PIWIL3: variants seen among roughly 807,000 people sequenced by gnomAD.
PIWIL3 encodes the protein piwi-like protein 3.
Under a neutral mutation model 109.7 loss-of-function variants are expected in PIWIL3, and 101 were observed. The ratio of observed to expected loss-of-function variants is 0.92; its 90% CI spans 0.78 to 1.09. The LOEUF (loss-of-function observed/expected upper bound fraction) is 1.09, where lower values mean the gene tolerates loss of function less well. Among genes scored for constraint, PIWIL3 ranks in the 50% least tolerant of loss-of-function variants. The probability of loss-of-function intolerance (pLI) is 0.00; values close to 1 mark genes in which losing one functional copy is unlikely to be tolerated. For synonymous variants in PIWIL3, 373 were observed against 376.4 expected (o/e 0.99, Z 0.10); for missense variants, 1,031 against 1,072.6 (o/e 0.96, Z 0.54).
intron 19 of PIWIL3, among the ~76,000 whole-genome samples, chr22:24,720,659 CTTTATG>C (rs1003208683): frequency 7.9e-5 from 12 of 152,148 alleles, no homozygotes; most frequent in Admixed American, 1.3e-4. Flanking sequence ...TTATGTTGTA[CTTTATG>C]TTTATGATAC....
At chr22:24,759,593 C>T (rs892780605) in intron 3 of PIWIL3, among the ~76,000 whole-genome samples, 10 of 152,206 alleles carry the variant, frequency 6.6e-5, no homozygotes, top group Non-Finnish European at 1.3e-4. Context: ...TTAGAGTTAT[C>T]ATCTGCAGAT....
chr22:24,737,543 T>A (rs1331478911), intron 12 of PIWIL3, among the ~76,000 whole-genome samples: 2 of 152,096 alleles, frequency 1.3e-5, no homozygotes, highest in African/African-American at 4.8e-5. Context: ...AGACTCCTGC[T>A]TGAGAAAAGT....
intron 8 of PIWIL3, among the ~76,000 whole-genome samples, chr22:24,753,649 A>G (rs568925782): frequency 6.6e-6 from 1 of 152,310 alleles, no homozygotes; most frequent in South Asian, 2.1e-4. Context: ...TCTGCTGTAG[A>G]AAGATTTTAA....
chr22:24,756,844 C>G (rs2147708158), intron 4 of PIWIL3, 139 bp from the exon 5 acceptor site: 1 of 704,336 alleles, frequency 1.4e-6, no homozygotes, highest in South Asian at 2.0e-5. Flanking sequence ...CTCTGGGAGG[C>G]CAAGGCGGGT....
intron 12 of PIWIL3, among the ~76,000 whole-genome samples, chr22:24,743,551 A>T (rs902012480): frequency 1.3e-5 from 2 of 152,236 alleles, no homozygotes; most frequent in African/African-American, 4.8e-5. Flanking sequence ...CCATTATTCT[A>T]AATGAAGTAA....
chr22:24,738,366 C>T (rs1024087255), intron 12 of PIWIL3, among the ~76,000 whole-genome samples: 1 of 152,232 alleles, frequency 6.6e-6, no homozygotes, highest in Non-Finnish European at 1.5e-5. Context: ...GGCTGCTTTA[C>T]CACTTGATTG....
chr22:24,738,212 G>C (rs1469893802), intron 12 of PIWIL3, among the ~76,000 whole-genome samples: 1 of 152,134 alleles, frequency 6.6e-6, no homozygotes, highest in Non-Finnish European at 1.5e-5. Flanking sequence ...CATGTGATTT[G>C]AGTGCCAGCT....
intron 7 of PIWIL3, among the ~76,000 whole-genome samples, chr22:24,754,437 T>C (rs965776695): frequency 1.2e-4 from 18 of 152,220 alleles, no homozygotes; most frequent in African/African-American, 4.8e-5. Flanking sequence ...TCCATATTTA[T>C]CTGTAACATA....
chr22:24,734,049 C>G (rs762341655), intron 14 of PIWIL3, 35 bp downstream of exon 14: 1 of 1,576,370 alleles, frequency 6.3e-7, no homozygotes. Flanking sequence ...GGAACAATAA[C>G]TAAAAGATTG....
At chr22:24,764,625 C>CGTGTGCGTGTGTGTGTGT (rs1925675114) in intron 1 of PIWIL3, among the ~76,000 whole-genome samples, 2 of 134,622 alleles carry the variant, frequency 1.5e-5, no homozygotes, top group Non-Finnish European at 3.1e-5. Context: ...TTGACCTTGC[C>CGTGTGCGTGTGTGTGTGT]GTGTGTGTGT....
At chr22:24,770,860 A>G (rs143610390) in intron 1 of PIWIL3, among the ~76,000 whole-genome samples, 1 of 151,600 alleles carries the variant, frequency 6.6e-6, no homozygotes, top group African/African-American at 2.4e-5. Context: ...ATAAATAAAT[A>G]AAAAGAAAGA....
intron 14 of PIWIL3, among the ~76,000 whole-genome samples, chr22:24,729,199 AAGC>A (rs1481503925): frequency 2.0e-5 from 3 of 152,074 alleles, no homozygotes; most frequent in Non-Finnish European, 4.4e-5. Context: ...TTTCTTAGAA[AAGC>A]TTTTGTGTTT....
In PIWIL3 at chr22:24,754,817, G is replaced by A. The variant is rs1205611789; in HGVS notation, c.740C>T (p.Thr247Ile). The A allele has an allele frequency of 1.2e-6, 2 of 1,612,238 alleles. No individual in the cohort carries two copies. Among genetic ancestry groups the A allele is most frequent in the African/African-American group, 1.3e-5 (1 of 74,804 alleles). Residue 247 changes from threonine (T) to isoleucine (I), a missense_variant, in exon 7 of 21, where the codon ACC becomes ATC. By Grantham distance (89) the Thr-to-Ile change is moderately conservative. Transcript: ENST00000616349. ...DFEQVGRNYY[T>I]KKKAIQLYRH... Reference sequence around the variant, plus strand: ...GTATAACTGAATGGCCTTCTTTTTGGTATAATAGTTGCGACCAACTTGTTC... The same window carrying A: ...GTATAACTGAATGGCCTTCTTTTTGATATAATAGTTGCGACCAACTTGTTC...
intron 2 of PIWIL3, 123 bp downstream of exon 2, chr22:24,762,275 G>T: frequency 7.1e-7 from 1 of 1,408,794 alleles, no homozygotes. Context: ...CTTTTCTTAT[G>T]AACTTTTATT....
intron 5 of PIWIL3, among the ~76,000 whole-genome samples, chr22:24,756,154 T>C (rs1017317076): frequency 2.6e-5 from 4 of 152,108 alleles, no homozygotes; most frequent in Admixed American, 2.0e-4. Flanking sequence ...ATATAAAAAT[T>C]TAAAGAAGAA....
At chr22:24,744,848 A>C (rs1174788471) in intron 12 of PIWIL3, among the ~76,000 whole-genome samples, 1 of 152,224 alleles carries the variant, frequency 6.6e-6, no homozygotes, top group Admixed American at 6.5e-5. Context: ...CAGACAAAAA[A>C]GGGAAATGTT....
chr22:24,746,233 T>C (rs944021375), intron 12 of PIWIL3, among the ~76,000 whole-genome samples: 1 of 152,186 alleles, frequency 6.6e-6, no homozygotes, highest in Non-Finnish European at 1.5e-5. Context: ...AAAAAGTTCA[T>C]CACCAAGTGG....
chr22:24,720,020 CT>C, intron 19 of PIWIL3, 125 bp from the exon 20 acceptor site: 1 of 832,998 alleles, frequency 1.2e-6, no homozygotes, highest in Non-Finnish European at 1.7e-6. Flanking sequence ...ATTAAGTTTC[CT>C]TTACATTTAG....
chr22:24,762,157 T>G, intron 2 of PIWIL3: 1 of 900,120 alleles, frequency 1.1e-6, no homozygotes, highest in East Asian at 3.9e-5. Flanking sequence ...TGCATCCACT[T>G]TGGGCTGAAA....
Sources: gnomAD v4.1 joint callset for allele counts (sites outside exome capture counted in the v4.1 genomes callset) on GRCh38, gnomAD v4.1.1 for gene constraint, MANE v1.5 for transcripts, NCBI Gene and HGNC (gene_info 2026-07-23, HGNC 2026-07-21) for gene names.